LIMA1: variants seen among roughly 807,000 people sequenced by gnomAD.
LIMA1 encodes the protein LIM domain and actin binding 1.
LIMA1 carries 52 observed loss-of-function variants against 62.6 expected under a neutral mutation model. The ratio of observed to expected loss-of-function variants is 0.83; its 90% confidence interval spans 0.67 to 1.05. LIMA1 has a LOEUF of 1.05. LIMA1 is among the 50% of genes least tolerant of loss of function. The pLI, the probability that LIMA1 is intolerant of heterozygous loss-of-function variation, is 0.00. For synonymous variants in LIMA1, 302 were observed against 317.8 expected, an observed-to-expected ratio of 0.95 and a Z score of 0.53; for missense variants, 780 against 902.2, an observed-to-expected ratio of 0.86 and a Z score of 1.74.
At chr12:50,204,529 A>G (rs1446818670) in intron 6 of LIMA1, 23 bp downstream of exon 6, 1 of 1,598,728 alleles carries the variant, frequency 6.3e-7, no homozygotes, top group Non-Finnish European at 8.6e-7. Flanking sequence ...TGAATGAATG[A>G]ATGAATGATG....
intron 2 of LIMA1, among the ~76,000 whole-genome samples, chr12:50,238,485 C>A (rs984613468): frequency 1.3e-5 from 2 of 151,320 alleles, no homozygotes; most frequent in African/African-American, 4.9e-5. Context: ...CCAGCCCTGG[C>A]GACAAAGCAA....
intron 1 of LIMA1, among the ~76,000 whole-genome samples, chr12:50,254,027 CAAAAAAAAAAAA>C (rs376086760): frequency 1.1e-5 from 1 of 93,808 alleles, no homozygotes; most frequent in Non-Finnish European, 2.1e-5. Flanking sequence ...GACTCTGTCT[CAAAAAAAAAAAA>C]AAAAAAAAGA....
chr12:50,260,847 G>C (rs1592562530), intron 1 of LIMA1, among the ~76,000 whole-genome samples: 1 of 149,860 alleles, frequency 6.7e-6, no homozygotes, highest in African/African-American at 2.5e-5. Context: ...TAAGGGCATG[G>C]GGCATGGATT....
rs1425499586 is a variant in LIMA1 at position 50,263,824 on chromosome 12, TATAGAG to T, written c.-23-15056_-23-15051del. Among the ~76,000 whole-genome samples the T allele has an allele frequency of 9.0e-5, 11 of 122,578 alleles. 1 individual carries two copies. The highest frequency in any genetic ancestry group is 3.7e-4 in the African/African-American group (11 of 30,038). 80.4% of individuals were successfully genotyped at this position (122,578 alleles called of 152,430 possible). ...GTGTGTGTGTGTGTGTCTATATATA[TATAGAG>T]AGAGTATATATATATATATATAGAG... On this transcript the variant is annotated intron_variant, in intron 1 of 10. Coordinates refer to ENST00000341247, the MANE Select transcript of LIMA1 (RefSeq NM_016357.5).
intron 3 of LIMA1, among the ~76,000 whole-genome samples, chr12:50,229,635 T>C (rs1289739579): frequency 6.6e-6 from 1 of 152,058 alleles, no homozygotes; most frequent in Non-Finnish European, 1.5e-5. Context: ...ATGGCACATG[T>C]ATACATATGT....
At position 50,185,849 on chromosome 12, in the gene LIMA1, T is replaced by G. The variant is rs116372424; in HGVS notation, c.1141-3812A>C. Reference sequence around the variant, plus strand: ...GCTAGCTCACATAATTGACTAACCTTGAGCTTCTAACTAGCCAGACCTATC... The same window carrying G: ...GCTAGCTCACATAATTGACTAACCTGGAGCTTCTAACTAGCCAGACCTATC... On this transcript the variant is annotated intron_variant, in intron 9 of 10. Coordinates refer to ENST00000341247, the MANE Select transcript of LIMA1 (RefSeq NM_016357.5). 6.4e-3 allele frequency: 1,220 copies of G among 191,278 alleles called. 17 individuals carry two copies. The highest frequency in any genetic ancestry group is 0.027 in the African/African-American group (1,155 of 42,704). 11.8% of individuals were successfully genotyped at this position (191,278 alleles called of 1,614,324 possible).
At chr12:50,236,037 C>T (rs1312994972) in intron 2 of LIMA1, among the ~76,000 whole-genome samples, 1 of 151,790 alleles carries the variant, frequency 6.6e-6, no homozygotes, top group Admixed American at 6.6e-5. Flanking sequence ...TGGTGGTAGG[C>T]ACCTGAAATT....
chr12:50,177,714 C>T lies in LIMA1; in HGVS notation c.1630G>A (p.Ala544Thr). ...PPTELGSSGS[A>T]LEEGIKMSKP... ...GACATTTTGATCCCTTCCTCCAAGG[C>T]ACTTCCTGAACTTCCAAGTTCAGTG... Residue 544 changes from alanine to threonine, a missense_variant, in exon 11 of 11, where the codon GCC becomes ACC. Coordinates refer to ENST00000341247, the MANE Select transcript of LIMA1 (RefSeq NM_016357.5). 6.2e-7 allele frequency: 1 copy of T among 1,612,902 alleles called. No homozygotes were observed. Among genetic ancestry groups the T allele is most frequent in the South Asian group, 1.1e-5 (1 of 90,856 alleles).
At chr12:50,193,584 T>C (rs1171297422) in intron 8 of LIMA1, among the ~76,000 whole-genome samples, 2 of 130,376 alleles carry the variant, frequency 1.5e-5, no homozygotes, top group Non-Finnish European at 3.2e-5. Flanking sequence ...TATATATACA[T>C]GTATATATGA....
At chr12:50,255,989 A>G (rs1395929388) in intron 1 of LIMA1, among the ~76,000 whole-genome samples, 1 of 151,934 alleles carries the variant, frequency 6.6e-6, no homozygotes, top group Non-Finnish European at 1.5e-5. Flanking sequence ...TCCCAGGTTC[A>G]AGCAATTGTC....
rs747530969 is a variant in LIMA1 at position 50,177,180 on chromosome 12, G to C, written c.2164C>G (p.Gln722Glu). The C allele has an allele frequency of 1.2e-6, 2 of 1,614,046 alleles. No individual in the cohort carries two copies. Among genetic ancestry groups the C allele is most frequent in the Admixed American group, 3.3e-5 (2 of 59,994 alleles). Residue 722 changes from glutamine (Q) to glutamate (E), a missense_variant, in exon 11 of 11, where the codon CAG becomes GAG. By Grantham distance (29) the Gln-to-Glu change is conservative. Transcript: ENST00000341247. ...TCCACATCCTGGGATTTCTGATTCTGAGTAGTGAATTCTTCAGCAAAGGTG... is the reference window on the plus strand; with the variant it reads ...TCCACATCCTGGGATTTCTGATTCTCAGTAGTGAATTCTTCAGCAAAGGTG... ...DNTFAEEFTT[Q>E]NQKSQDVELW...
intron 3 of LIMA1, among the ~76,000 whole-genome samples, chr12:50,231,217 C>G (rs1941606649): frequency 6.6e-6 from 1 of 152,098 alleles, no homozygotes; most frequent in Non-Finnish European, 1.5e-5. Flanking sequence ...GATCCTGCAG[C>G]TAGGAAACTT....
intron 2 of LIMA1, 26 bp downstream of exon 2, chr12:50,248,607 C>T (rs770693374): frequency 1.4e-6 from 2 of 1,388,616 alleles, no homozygotes; most frequent in Admixed American, 3.4e-5. Context: ...GACAGATGGT[C>T]CTTTTGGACC....
rs767754461 is a variant in LIMA1 at position 50,204,608 on chromosome 12, G to A, written c.808C>T (p.Arg270Ter). ...ACAGCTGCCTGGTACTTGGCCATTC[G>A]ATCCTTTATAGAGGTTTCTGAGAGG... The part of the protein sequence containing the change: ...PRLSETSIKD[R>*]MAKYQAAVSK... The change falls in exon 6 of 11, where the codon CGA becomes TGA. Residue 270 changes from arginine to a stop codon, truncating the protein, a stop_gained. Transcript: ENST00000341247. LOFTEE classifies it high-confidence loss of function. The A allele has an allele frequency of 3.7e-6, 6 of 1,614,130 alleles. No homozygotes were observed. The highest frequency in any genetic ancestry group is 2.2e-5 in the East Asian group (1 of 44,888).
At chr12:50,275,934 G>A (rs952411232) in intron 1 of LIMA1, among the ~76,000 whole-genome samples, 1 of 152,076 alleles carries the variant, frequency 6.6e-6, no homozygotes, top group African/African-American at 2.4e-5. Flanking sequence ...TGAGGTACTT[G>A]ATAAACTTCA....
At chr12:50,182,089 G>A (rs200006579) in intron 9 of LIMA1, 52 bp from the exon 10 acceptor site, 1 of 1,599,106 alleles carries the variant, frequency 6.3e-7, no homozygotes, top group Non-Finnish European at 8.5e-7. Flanking sequence ...AGTTAGCACT[G>A]TCTTGAGATG....
At chr12:50,247,976 T>C (rs1941874789) in intron 2 of LIMA1, among the ~76,000 whole-genome samples, 4 of 152,204 alleles carry the variant, frequency 2.6e-5, no homozygotes, top group African/African-American at 7.2e-5. Flanking sequence ...GCCAGTGGGC[T>C]GTAGTGTGCC....
intron 2 of LIMA1, among the ~76,000 whole-genome samples, chr12:50,239,615 G>C (rs1165700954): frequency 6.8e-6 from 1 of 147,222 alleles, no homozygotes; most frequent in Non-Finnish European, 1.5e-5. Flanking sequence ...ACTCCAGCCT[G>C]GGTGATAAAG....
chr12:50,262,269 GA>G (rs1201098517), intron 1 of LIMA1, among the ~76,000 whole-genome samples: 1 of 152,116 alleles, frequency 6.6e-6, no homozygotes, highest in Non-Finnish European at 1.5e-5. Flanking sequence ...AATAAAGGGG[GA>G]AAAACACTTA....
Sources: gnomAD v4.1 joint callset for allele counts (sites outside exome capture counted in the v4.1 genomes callset) on GRCh38, gnomAD v4.1.1 for gene constraint, MANE v1.5 for transcripts, NCBI Gene and HGNC (gene_info 2026-07-23, HGNC 2026-07-21) for gene names.